Variants in TMOD1 observed in about 807,000 individuals in gnomAD.
TMOD1 encodes the protein tropomodulin-1.
TMOD1 carries 17 observed loss-of-function variants against 40.6 expected under a neutral mutation model. That is an observed-to-expected ratio of 0.42 (90% CI 0.29 to 0.63). TMOD1 has a LOEUF of 0.63. Among genes scored for constraint, TMOD1 ranks in the 20% least tolerant of loss-of-function variants. The pLI is 0.22. For synonymous variants in TMOD1, 181 were observed against 175.0 expected (o/e 1.03, Z -0.27); for missense variants, 391 against 447.6 (o/e 0.87, Z 1.14).
At chr9:97,587,152 AC>A (rs1191892781) in intron 8 of TMOD1, among the ~76,000 whole-genome samples, 8 of 152,180 alleles carry the variant, frequency 5.3e-5, no homozygotes, top group Admixed American at 3.9e-4. Flanking sequence ...TTGACCACTC[AC>A]CTGTTGAAGG....
chr9:97,569,175 C>A, intron 8 of TMOD1, 138 bp downstream of exon 8: 1 of 1,105,952 alleles, frequency 9.0e-7, no homozygotes, highest in South Asian at 1.7e-5. Context: ...CTCCAAGGTC[C>A]CTAAAGTTCA....
At chr9:97,549,729 AG>A (rs1411243201) in intron 3 of TMOD1, among the ~76,000 whole-genome samples, 1 of 152,158 alleles carries the variant, frequency 6.6e-6, no homozygotes, top group African/African-American at 2.4e-5. Context: ...ATCCCATTTT[AG>A]GGAATATCTT....
In TMOD1 at chr9:97,586,714, A is replaced by G. The variant is rs535458264; in HGVS notation, c.871-4577A>G. Among the ~76,000 whole-genome samples the G allele has an allele frequency of 1.1e-4, 16 of 151,080 alleles. 1 individual carries two copies. The highest frequency in any genetic ancestry group is 1.1e-3 in the Admixed American group (16 of 15,180). On this transcript the variant is annotated intron_variant, in intron 8 of 9. Coordinates refer to ENST00000259365, the MANE Select transcript of TMOD1 (RefSeq NM_003275.4). ...GCGGGATATAATCTCGTGGTGCGCC[A>G]TTTTTTAAGCCCGTCGGAAAAGCGC... is the stretch of plus-strand genomic sequence containing the variant.
At chr9:97,567,857 C>T (rs543035718) in intron 7 of TMOD1, among the ~76,000 whole-genome samples, 87 of 152,220 alleles carry the variant, frequency 5.7e-4, no homozygotes, top group African/African-American at 1.9e-3. Context: ...GCAGGGGCGA[C>T]GGGGTAGGTA....
At chr9:97,589,804 TTTAACTA>T (rs1240593145) in intron 8 of TMOD1, among the ~76,000 whole-genome samples, 2 of 152,158 alleles carry the variant, frequency 1.3e-5, no homozygotes, top group African/African-American at 2.4e-5. Context: ...GCTTTCAGTC[TTTAACTA>T]TTAAGTATGA....
At chr9:97,538,067 C>T (rs1830211027) in intron 2 of TMOD1, among the ~76,000 whole-genome samples, 1 of 152,174 alleles carries the variant, frequency 6.6e-6, no homozygotes, top group Non-Finnish European at 1.5e-5. Flanking sequence ...CATCCACATT[C>T]CTACATGTCA....
In TMOD1 at chr9:97,582,054, G is replaced by A. The variant is rs550331908; in HGVS notation, c.871-9237G>A. ...TGTTGCCATTGCTTTTGGTGTTTTAGACATGATGTCCTTGCCCATGCCTAT... is the reference window on the plus strand; with the variant it reads ...TGTTGCCATTGCTTTTGGTGTTTTAAACATGATGTCCTTGCCCATGCCTAT... On this transcript the variant is annotated intron_variant, in intron 8 of 9. Transcript: ENST00000259365. Among the ~76,000 whole-genome samples the A allele has an allele frequency of 4.6e-5, 7 of 152,268 alleles. No homozygotes were observed. In the South Asian group the frequency reaches 1.2e-3, roughly 27 times the overall value.
intron 4 of TMOD1, among the ~76,000 whole-genome samples, chr9:97,560,353 G>A (rs10982736): frequency 0.23 from 35,032 of 152,016 alleles, 4,402 homozygotes; most frequent in Middle Eastern, 0.37. Flanking sequence ...ACTCCCTGGA[G>A]GAGGAAGAGT....
chr9:97,538,815 T>C (rs1830229843), intron 2 of TMOD1, among the ~76,000 whole-genome samples: 1 of 148,820 alleles, frequency 6.7e-6, no homozygotes, highest in Non-Finnish European at 1.5e-5. Flanking sequence ...GCCAACACAG[T>C]GAAACCCCAT....
At chr9:97,510,673 T>C (rs886242379) in intron 1 of TMOD1, among the ~76,000 whole-genome samples, 4 of 152,202 alleles carry the variant, frequency 2.6e-5, no homozygotes, top group Non-Finnish European at 4.4e-5. Context: ...TGAAGGACCA[T>C]GGGAGACAGA....
chr9:97,564,270 G>T, intron 6 of TMOD1, 102 bp downstream of exon 6: 1 of 1,421,844 alleles, frequency 7.0e-7, no homozygotes, highest in Non-Finnish European at 9.4e-7. Flanking sequence ...GAGTAAACAG[G>T]GTCCTGTTTG....
intron 4 of TMOD1, among the ~76,000 whole-genome samples, chr9:97,556,306 G>C (rs1390347626): frequency 6.6e-6 from 1 of 152,200 alleles, no homozygotes; most frequent in Non-Finnish European, 1.5e-5. Flanking sequence ...GGCTGATGAG[G>C]AGTGCTCTGC....
chr9:97,579,093 G>T (rs1470147956), intron 8 of TMOD1, among the ~76,000 whole-genome samples: 2 of 152,164 alleles, frequency 1.3e-5, no homozygotes, highest in African/African-American at 2.4e-5. Context: ...GGGGCCGGTG[G>T]AATTTCACCA....
chr9:97,565,944 C>G lies in TMOD1; in HGVS notation c.715C>G (p.Pro239Ala). 6.2e-7 allele frequency: 1 copy of G among 1,613,868 alleles called. No homozygotes were observed. Among genetic ancestry groups the G allele is most frequent in the Non-Finnish European group, 8.5e-7 (1 of 1,179,778 alleles). ...FSIVGTRSND[P>A]VAYALAEMLK... ...CATCGTGGGGACACGGAGTAATGAC[C>G]CCGTGGCGTATGTATGTACCTTTCT... Residue 239 changes from proline (P) to alanine (A), a missense_variant, in exon 7 of 10, where the codon CCC (proline) becomes GCC (alanine). Coordinates refer to ENST00000259365, the MANE Select transcript of TMOD1 (RefSeq NM_003275.4).
intron 2 of TMOD1, among the ~76,000 whole-genome samples, chr9:97,535,072 A>G (rs1178019503): frequency 6.6e-6 from 1 of 152,154 alleles, no homozygotes; most frequent in Non-Finnish European, 1.5e-5. Flanking sequence ...AGGTGGGAGT[A>G]GGTTGGAGTC....
At chr9:97,549,634 T>C (rs990481730) in intron 3 of TMOD1, among the ~76,000 whole-genome samples, 1 of 152,244 alleles carries the variant, frequency 6.6e-6, no homozygotes, top group Non-Finnish European at 1.5e-5. Context: ...GTTTTGCTGA[T>C]AGAGGTAATT....
intron 8 of TMOD1, among the ~76,000 whole-genome samples, chr9:97,586,392 C>T (rs1293041041): frequency 6.6e-6 from 1 of 151,762 alleles, no homozygotes; most frequent in South Asian, 2.1e-4. Flanking sequence ...GCTGGGAGAA[C>T]CACTGCTCTC....
intron 1 of TMOD1, among the ~76,000 whole-genome samples, chr9:97,514,894 G>T (rs1829775615): frequency 6.6e-6 from 1 of 152,260 alleles, no homozygotes; most frequent in African/African-American, 2.4e-5. Flanking sequence ...ACCGTGGGAA[G>T]GGGAAATGCC....
chr9:97,511,774 A>G (rs537672709), intron 1 of TMOD1, among the ~76,000 whole-genome samples: 1 of 152,108 alleles, frequency 6.6e-6, no homozygotes, highest in Non-Finnish European at 1.5e-5. Context: ...TTGTAGAGAC[A>G]AGGTCTCACC....
Sources: allele counts gnomAD v4.1 joint callset (sites outside exome capture counted in the v4.1 genomes callset), GRCh38; gene constraint gnomAD v4.1.1; transcripts MANE v1.5; gene names NCBI Gene and HGNC (gene_info 2026-07-23, HGNC 2026-07-21).